The following TEX264 variants were observed in gnomAD, a reference collection of about 807,000 sequenced individuals.
TEX264 encodes testis expressed 264, ER-phagy receptor.
In TEX264, 13 loss-of-function variants were observed where a neutral mutation model predicts 23.4. The observed-to-expected ratio is 0.56, with a 90% CI of 0.36 to 0.88. TEX264 has a LOEUF of 0.88. Among genes scored for constraint, TEX264 ranks in the 40% least tolerant of loss-of-function variants. The pLI, the probability that TEX264 is intolerant of heterozygous loss-of-function variation, is 0.01. For missense variants in TEX264, 340 were observed against 406.8 expected, an observed-to-expected ratio of 0.84 and a Z score of 1.41; for synonymous variants, 159 against 170.0, an observed-to-expected ratio of 0.94 and a Z score of 0.50.
intron 3 of TEX264, among the ~76,000 whole-genome samples, chr3:51,698,296 G>A (rs376096633): frequency 6.6e-6 from 1 of 152,230 alleles, no homozygotes; most frequent in African/African-American, 2.4e-5. Flanking sequence ...TCCTTGCCAG[G>A]CAATAAGTCT....
chr3:51,702,429 A>C (rs1343108519), intron 4 of TEX264, among the ~76,000 whole-genome samples: 1 of 152,208 alleles, frequency 6.6e-6, no homozygotes, highest in East Asian at 1.9e-4. Flanking sequence ...TAGCGCCCAG[A>C]GGGCATATTC....
intron 2 of TEX264, among the ~76,000 whole-genome samples, chr3:51,679,895 G>T (rs1702362353): frequency 1.3e-5 from 2 of 152,160 alleles, no homozygotes. Flanking sequence ...GTCCTGACTG[G>T]TGCCTGTCTC....
At chr3:51,690,796 T>C (rs1233895858) in intron 3 of TEX264, among the ~76,000 whole-genome samples, 2 of 152,136 alleles carry the variant, frequency 1.3e-5, no homozygotes, top group Admixed American at 6.5e-5. Flanking sequence ...GGAGGCGTCA[T>C]AGAGTCCTAA....
In TEX264 at chr3:51,686,794, G is replaced by C. The variant is rs1439797059; in HGVS notation, c.480+2160G>C. ...ATTCAAGGAAGGCCTCTCCAGTCCT[G>C]TCGGTGCCATCCTCAACCTCATGGG... On this transcript the variant is annotated intron_variant, in intron 3 of 4. Transcript: ENST00000341333. This position sits in a 1 kb window ranked among gnomAD's most constrained non-coding sequence, Gnocchi z 4.1. 6.6e-6 allele frequency among the ~76,000 whole-genome samples: 1 copy of C among 152,158 alleles called. No homozygotes were observed. Among genetic ancestry groups the C allele is most frequent in the Non-Finnish European group, 1.5e-5 (1 of 68,028 alleles).
rs772933628 is a variant in TEX264, at chr3:51,703,781, G to A, written c.707G>A (p.Arg236Gln). The A allele has an allele frequency of 3.7e-6, 6 of 1,608,490 alleles. No homozygotes were observed. Among genetic ancestry groups the A allele is most frequent in the East Asian group, 2.2e-5 (1 of 44,698 alleles). Residue 236 changes from arginine to glutamine, a missense_variant, in exon 5 of 5, where the codon CGG (arginine) becomes CAG (glutamine). By Grantham distance (43) the Arg-to-Gln change is conservative (BLOSUM62 1). Coordinates refer to ENST00000341333, the MANE Select transcript of TEX264 (RefSeq NM_015926.6). The surrounding 1 kb of genome is among the most constrained non-coding windows in gnomAD (Gnocchi z 4.8). ...AGCTTGGAAGTGAGCCCTGGCAGCCGGGAGACTTCAGCTGCCACACTGTCA... is the reference window on the plus strand; with the variant it reads ...AGCTTGGAAGTGAGCCCTGGCAGCCAGGAGACTTCAGCTGCCACACTGTCA... ...SVSLEVSPGS[R>Q]ETSAATLSPG... is the part of the protein sequence containing the mutation.
intron 2 of TEX264, among the ~76,000 whole-genome samples, chr3:51,678,544 C>A (rs1382263832): frequency 6.6e-6 from 1 of 152,216 alleles, no homozygotes; most frequent in Middle Eastern, 3.2e-3. Flanking sequence ...TTGCTGCTTA[C>A]ATCTACTACC....
chr3:51,676,479 G>A (rs1702233991), intron 2 of TEX264, among the ~76,000 whole-genome samples: 1 of 152,202 alleles, frequency 6.6e-6, no homozygotes, highest in South Asian at 2.1e-4. Flanking sequence ...GTGGGCCCTG[G>A]GTCTCCAGGG....
chr3:51,676,112 A>G (rs973856509), intron 2 of TEX264, among the ~76,000 whole-genome samples: 2 of 152,156 alleles, frequency 1.3e-5, no homozygotes, highest in Non-Finnish European at 2.9e-5. Context: ...TGGGACAGAC[A>G]GTGGGCTATG....
intron 1 of TEX264, among the ~76,000 whole-genome samples, chr3:51,673,360 A>G (rs1702118547): frequency 6.6e-6 from 1 of 152,114 alleles, no homozygotes; most frequent in African/African-American, 2.4e-5. Flanking sequence ...AGCTGCCTGG[A>G]GAACTAGGCA....
At chr3:51,690,270 G>A (rs992921424) in intron 3 of TEX264, among the ~76,000 whole-genome samples, 2 of 152,186 alleles carry the variant, frequency 1.3e-5, no homozygotes, top group Non-Finnish European at 2.9e-5. Flanking sequence ...GGTGGCTCAC[G>A]CCTGTAATCC....
rs544116469 is a variant in TEX264 at position 51,686,100 on chromosome 3, G to C, written c.480+1466G>C. On this transcript the variant is annotated intron_variant, in intron 3 of 4. Coordinates refer to ENST00000341333, the MANE Select transcript of TEX264 (RefSeq NM_015926.6). This position sits in a 1 kb window ranked among gnomAD's most constrained non-coding sequence, Gnocchi z 4.1. ...GCCTGAGATACATCTAAGTTGGGGGGTGTGGAGTCAGCAATGGTATGTGTG... is the reference window on the plus strand; with the variant it reads ...GCCTGAGATACATCTAAGTTGGGGGCTGTGGAGTCAGCAATGGTATGTGTG... Among the ~76,000 whole-genome samples the C allele has an allele frequency of 2.6e-5, 4 of 152,328 alleles. No homozygotes were observed. Among genetic ancestry groups the C allele is most frequent in the South Asian group, 2.1e-4 (1 of 4,828 alleles).
intron 2 of TEX264, 33 bp downstream of exon 2, chr3:51,674,595 A>G: frequency 3.7e-6 from 6 of 1,606,592 alleles, no homozygotes; most frequent in Non-Finnish European, 4.3e-6. Flanking sequence ...TGCCCCATGG[A>G]TGGGCCTGGT....
intron 3 of TEX264, among the ~76,000 whole-genome samples, chr3:51,697,543 T>C (rs1703116878): frequency 6.6e-6 from 1 of 152,354 alleles, no homozygotes; most frequent in South Asian, 2.1e-4. Flanking sequence ...GTGAAGGCCA[T>C]GCCCTGACTA....
chr3:51,688,434 G>C (rs1702703121), intron 3 of TEX264, among the ~76,000 whole-genome samples: 1 of 152,324 alleles, frequency 6.6e-6, no homozygotes, highest in South Asian at 2.1e-4. Flanking sequence ...GCTCATATCT[G>C]TCTGTAGCAC....
intron 4 of TEX264, among the ~76,000 whole-genome samples, chr3:51,702,719 T>C (rs1054832697): frequency 2.0e-5 from 3 of 152,240 alleles, no homozygotes; most frequent in Admixed American, 6.5e-5. Context: ...TCTGGATTCC[T>C]GCACACAGCG....
rs980092228 is a variant in TEX264, at chr3:51,703,108, T to C, written c.650-616T>C. Among the ~76,000 whole-genome samples the C allele has an allele frequency of 1.8e-4, 27 of 152,196 alleles. 1 individual carries two copies. The highest frequency in any genetic ancestry group is 1.5e-5 in the Non-Finnish European group (1 of 68,022). On this transcript the variant is annotated intron_variant, in intron 4 of 4. Coordinates refer to ENST00000341333, the MANE Select transcript of TEX264 (RefSeq NM_015926.6). This position sits in a 1 kb window ranked among gnomAD's most constrained non-coding sequence, Gnocchi z 4.8. ...CAGCTGGTTGAGTATTTCTCAGGCCTTCTCCATCCTCCTCGTACTTCAGCT... is the reference window on the plus strand; with the variant it reads ...CAGCTGGTTGAGTATTTCTCAGGCCCTCTCCATCCTCCTCGTACTTCAGCT...
chr3:51,684,635 GT>G lies in TEX264; in HGVS notation c.480+2del. 6.2e-7 allele frequency: 1 copy of G among 1,614,108 alleles called. No individual in the cohort carries two copies. The highest frequency in any genetic ancestry group is 8.5e-7 in the Non-Finnish European group (1 of 1,179,956). ...TCCTGCCTTGGACACCTACATCAAGGTGAGGCACAGGCCTGGGGTGTGTGTG... is the reference window on the plus strand; with the variant it reads ...TCCTGCCTTGGACACCTACATCAAGGGAGGCACAGGCCTGGGGTGTGTGTG... On this transcript the variant is annotated splice_donor_variant, in intron 3 of 4. Coordinates refer to ENST00000341333, the MANE Select transcript of TEX264 (RefSeq NM_015926.6). LOFTEE classifies it high-confidence loss of function.
intron 3 of TEX264, among the ~76,000 whole-genome samples, chr3:51,687,724 G>C (rs1702675858): frequency 6.6e-6 from 1 of 152,156 alleles, no homozygotes; most frequent in Non-Finnish European, 1.5e-5. Context: ...GAGGCTAGGT[G>C]AGGGGCAGGG....
rs147887263 is a variant in TEX264, at chr3:51,677,134, A to G, written c.258+2572A>G. Among the ~76,000 whole-genome samples the G allele has an allele frequency of 3.9e-5, 6 of 152,280 alleles. No homozygotes were observed. The East Asian group carries it at 1.2e-3, about 29-fold the overall frequency. ...AAGGACCTGAGGCCTCCTGGTCCAC[A>G]CTCCATATTATGGAGGGAGAAACAG... On this transcript the variant is annotated intron_variant, in intron 2 of 4. Coordinates refer to ENST00000341333, the MANE Select transcript of TEX264 (RefSeq NM_015926.6).
Sources: allele counts gnomAD v4.1 joint callset (sites outside exome capture counted in the v4.1 genomes callset), GRCh38; gene constraint gnomAD v4.1.1; non-coding constraint Gnocchi (gnomAD v3.1); transcripts MANE v1.5; gene names NCBI Gene and HGNC (gene_info 2026-07-23, HGNC 2026-07-21).